FOXN2: variants seen among roughly 807,000 people sequenced by gnomAD.
FOXN2 encodes the protein forkhead box N2.
A neutral mutation model predicts 41.2 loss-of-function variants in FOXN2; 19 were observed. The ratio of observed to expected loss-of-function variants is 0.46; its 90% confidence interval spans 0.32 to 0.68. FOXN2 has a LOEUF of 0.68. FOXN2 is among the 30% of genes least tolerant of loss of function. The pLI, the probability that FOXN2 is intolerant of heterozygous loss-of-function variation, is 0.03. For missense variants in FOXN2, 587 were observed against 509.4 expected (o/e 1.15, Z -1.47); for synonymous variants, 195 against 176.8 (o/e 1.10, Z -0.82).
chr2:48,378,882 A>G lies in FOXN2; in HGVS notation c.*3439A>G, dbSNP rs1426778054. On this transcript the variant is annotated 3_prime_UTR_variant, in exon 7 of 7. Coordinates refer to ENST00000340553, the MANE Select transcript of FOXN2 (RefSeq NM_002158.4). Reference sequence around the variant, plus strand: ...GCCATTGTCAAAACTTATTTTTTAAATCGTTGTACATTTCTTATTAAACTA... The same window carrying G: ...GCCATTGTCAAAACTTATTTTTTAAGTCGTTGTACATTTCTTATTAAACTA... 5.2e-5 allele frequency: 8 copies of G among 152,512 alleles called. No individual in the cohort carries two copies. Among genetic ancestry groups the G allele is most frequent in the Non-Finnish European group, 1.2e-4 (8 of 67,968 alleles). The allele number at this position is 152,512 out of a possible 1,614,324, so 9.4% of individuals were successfully genotyped here.
At chr2:48,323,969 C>T (rs996396849) in intron 1 of FOXN2, among the ~76,000 whole-genome samples, 1 of 152,028 alleles carries the variant, frequency 6.6e-6, no homozygotes, top group Non-Finnish European at 1.5e-5. Context: ...GCTTTTTATA[C>T]AAATGAATTT....
At chr2:48,352,715 C>T (rs1572747267) in intron 3 of FOXN2, among the ~76,000 whole-genome samples, 1 of 152,142 alleles carries the variant, frequency 6.6e-6, no homozygotes, top group Non-Finnish European at 1.5e-5. Flanking sequence ...ATCTTGGGTA[C>T]CTGCTCTTTG....
intron 1 of FOXN2, among the ~76,000 whole-genome samples, chr2:48,320,877 T>C (rs943726805): frequency 2.0e-5 from 3 of 152,192 alleles, no homozygotes; most frequent in Non-Finnish European, 2.9e-5. Context: ...TTTATTGTTA[T>C]AGCAAGTTAA....
chr2:48,370,295 G>C (rs1282712203), intron 5 of FOXN2, among the ~76,000 whole-genome samples: 1 of 152,208 alleles, frequency 6.6e-6, no homozygotes, highest in East Asian at 1.9e-4. Flanking sequence ...AACTCAAAAA[G>C]AATTGCCTCA....
intron 2 of FOXN2, among the ~76,000 whole-genome samples, chr2:48,328,979 T>G (rs1372421061): frequency 6.6e-6 from 1 of 152,176 alleles, no homozygotes; most frequent in Non-Finnish European, 1.5e-5. Flanking sequence ...TTGTTCAAAA[T>G]AGCCATTTTT....
intron 4 of FOXN2, among the ~76,000 whole-genome samples, chr2:48,360,790 G>GTTT (rs757595172): frequency 2.9e-5 from 4 of 136,630 alleles, no homozygotes; most frequent in Admixed American, 2.2e-4. Flanking sequence ...GCTGTGTTGG[G>GTTT]TTTTTTTTTT....
intron 1 of FOXN2, among the ~76,000 whole-genome samples, chr2:48,326,278 G>A (rs1237537397): frequency 6.6e-6 from 1 of 152,142 alleles, no homozygotes; most frequent in Non-Finnish European, 1.5e-5. Flanking sequence ...GAGAAAGCAT[G>A]GTCTATTCAG....
chr2:48,332,631 T>A (rs989671614), intron 2 of FOXN2, among the ~76,000 whole-genome samples: 2 of 152,218 alleles, frequency 1.3e-5, no homozygotes. Flanking sequence ...TTACTGATTT[T>A]GTACCCTGAT....
In FOXN2 at chr2:48,377,892, C is replaced by T. The variant is rs1253138860; in HGVS notation, c.*2449C>T. 1 of 152,012 alleles carries T rather than the reference C, an allele frequency of 6.6e-6. No homozygotes were observed. The highest frequency in any genetic ancestry group is 1.9e-4 in the East Asian group (1 of 5,198). 9.4% of individuals were successfully genotyped at this position (152,012 alleles called of 1,614,324 possible). ...TTTTGAGAAACATGACTAATAACCA[C>T]ACAATTAAGTAGAGTCATTCCAAGT... is the stretch of plus-strand genomic sequence containing the variant. On this transcript the variant is annotated 3_prime_UTR_variant, in exon 7 of 7. Transcript: ENST00000340553.
intron 2 of FOXN2, among the ~76,000 whole-genome samples, chr2:48,342,716 T>C (rs1670856024): frequency 6.6e-6 from 1 of 152,178 alleles, no homozygotes; most frequent in African/African-American, 2.4e-5. Context: ...TGAACATGCC[T>C]GATCTCATCT....
chr2:48,366,307 C>T (rs1672530043), intron 5 of FOXN2, among the ~76,000 whole-genome samples: 4 of 149,250 alleles, frequency 2.7e-5, no homozygotes, highest in Non-Finnish European at 5.9e-5. Flanking sequence ...TGCAGTGAGC[C>T]GAGATCGCGC....
chr2:48,327,502 A>G (rs1473020216), intron 1 of FOXN2, among the ~76,000 whole-genome samples: 2 of 152,006 alleles, frequency 1.3e-5, no homozygotes, highest in African/African-American at 2.4e-5. Context: ...CTGCAGTGCA[A>G]TGGCACGATC....
chr2:48,329,691 G>A (rs1055994059), intron 2 of FOXN2, among the ~76,000 whole-genome samples: 1 of 152,082 alleles, frequency 6.6e-6, no homozygotes, highest in Non-Finnish European at 1.5e-5. Context: ...TCTTTTTGCA[G>A]TACATTTGGG....
chr2:48,362,401 A>G (rs956814787), intron 4 of FOXN2, among the ~76,000 whole-genome samples: 3 of 152,096 alleles, frequency 2.0e-5, no homozygotes, highest in African/African-American at 7.2e-5. Context: ...CCCTTTCTCT[A>G]CCAAAAAAAA....
chr2:48,356,065 A>T (rs1572753039), intron 3 of FOXN2, among the ~76,000 whole-genome samples: 1 of 152,290 alleles, frequency 6.6e-6, no homozygotes, highest in East Asian at 1.9e-4. Flanking sequence ...CAGAGGTTGC[A>T]GTGAGCCAAG....
At chr2:48,314,014 G>C (rs1441377316), upstream of FOXN2, among the ~76,000 whole-genome samples, 1 of 152,192 alleles carries the variant, frequency 6.6e-6, no homozygotes, top group African/African-American at 2.4e-5. Flanking sequence ...GATTTGATCC[G>C]TAAGTCTTTT....
At chr2:48,360,881 G>T (rs1426307470) in intron 4 of FOXN2, among the ~76,000 whole-genome samples, 1 of 150,706 alleles carries the variant, frequency 6.6e-6, no homozygotes, top group Admixed American at 6.6e-5. Context: ...GGCATGGGTA[G>T]TGCACGCCTG....
intron 1 of FOXN2, among the ~76,000 whole-genome samples, chr2:48,322,065 C>T (rs1156625578): frequency 6.6e-6 from 1 of 152,156 alleles, no homozygotes; most frequent in African/African-American, 2.4e-5. Flanking sequence ...TCTTTCTCAG[C>T]CCCTGGAGTA....
chr2:48,337,776 A>G (rs1670463380), intron 2 of FOXN2, among the ~76,000 whole-genome samples: 1 of 152,214 alleles, frequency 6.6e-6, no homozygotes, highest in African/African-American at 2.4e-5. Context: ...TTTGGCAGGA[A>G]TATATATGTT....
Sources: gnomAD v4.1 joint callset for allele counts (sites outside exome capture counted in the v4.1 genomes callset) on GRCh38, gnomAD v4.1.1 for gene constraint, MANE v1.5 for transcripts, NCBI Gene and HGNC (gene_info 2026-07-23, HGNC 2026-07-21) for gene names.